PRDM16: variants seen among roughly 807,000 people sequenced by gnomAD.
PRDM16 encodes the protein PR/SET domain 16, also known as histone-lysine N-methyltransferase PRDM16.
A neutral mutation model predicts 110.6 loss-of-function variants in PRDM16; 23 were observed. The ratio of observed to expected loss-of-function variants is 0.21; its 90% confidence interval spans 0.15 to 0.29. The LOEUF is 0.29. Ranked by LOEUF, PRDM16 falls within the 10% of genes least tolerant of loss-of-function variation. The pLI, the probability that PRDM16 is intolerant of heterozygous loss-of-function variation, is 1.00. For synonymous variants in PRDM16, 799 were observed against 781.8 expected, an observed-to-expected ratio of 1.02 and a Z score of -0.37; for missense variants, 1,615 against 1,794.3, an observed-to-expected ratio of 0.90 and a Z score of 1.81.
In PRDM16 at chr1:3,133,330, C is replaced by G. The variant is rs1643372461; in HGVS notation, c.38-52795C>G. The G allele has an allele frequency of 2.0e-5, 3 of 152,450 alleles. No individual in the cohort carries two copies. In the East Asian group the frequency reaches 5.8e-4, roughly 29 times the overall value. 9.4% of individuals were successfully genotyped at this position (152,450 alleles called of 1,614,324 possible). A position where few individuals can be genotyped will look rare whatever the true frequency, so the allele number is the denominator to read the frequency against. On this transcript the variant is annotated intron_variant, in intron 1 of 16. Transcript: ENST00000270722. ...GACTCTCCCAGGGCGAGGGAGGCAC[C>G]TCGGGGCTGTGGGCCTGGGGGAGGT...
intron 1 of PRDM16, among the ~76,000 whole-genome samples, chr1:3,122,679 C>G (rs181647980): frequency 7.2e-5 from 11 of 152,184 alleles, no homozygotes; most frequent in Non-Finnish European, 1.2e-4. Flanking sequence ...CATTCCCCCC[C>G]TCCGTGCTGC....
In PRDM16 at chr1:3,292,268, T is replaced by C. The variant is rs983720097; in HGVS notation, c.438+48131T>C. On this transcript the variant is annotated intron_variant, in intron 3 of 16. Coordinates refer to ENST00000270722, the MANE Select transcript of PRDM16 (RefSeq NM_022114.4). Reference sequence around the variant, plus strand: ...CTGTTACTCAACACTTGTCTTATTATGCTGCAAAGCCAGAGCAGAGCCGAG... The same window carrying C: ...CTGTTACTCAACACTTGTCTTATTACGCTGCAAAGCCAGAGCAGAGCCGAG... Among the ~76,000 whole-genome samples, 6 of 152,342 alleles carry C rather than the reference T, an allele frequency of 3.9e-5. No homozygotes were observed. In the East Asian group the frequency reaches 5.8e-4, roughly 15 times the overall value.
Position 3,148,639 on chromosome 1 carries a change from C to G in PRDM16, c.38-37486C>G, listed in dbSNP as rs907110390. 6.6e-6 allele frequency among the ~76,000 whole-genome samples: 1 copy of G among 152,156 alleles called. No individual in the cohort carries two copies. The highest frequency in any genetic ancestry group is 1.5e-5 in the Non-Finnish European group (1 of 68,030). ...GGGCTCAGATCCCATCTCAGGTGGG[C>G]GGTGACTTGTCCTGGCCGAGCCAGC... On this transcript the variant is annotated intron_variant, in intron 1 of 16. Transcript: ENST00000270722. This position sits in a 1 kb window ranked among gnomAD's most constrained non-coding sequence, Gnocchi z 5.0.
At chr1:3,161,254 A>G (rs1372997619) in intron 1 of PRDM16, among the ~76,000 whole-genome samples, 3 of 152,142 alleles carry the variant, frequency 2.0e-5, no homozygotes, top group Non-Finnish European at 4.4e-5. Context: ...CTCACCAGCA[A>G]ACACACACAC....
chr1:3,319,091 C>T (rs1641680595), intron 3 of PRDM16, among the ~76,000 whole-genome samples: 3 of 152,096 alleles, frequency 2.0e-5, no homozygotes, highest in Admixed American at 6.5e-5. Flanking sequence ...AATTTTTTTT[C>T]AGAACCCAGG....
intron 1 of PRDM16, among the ~76,000 whole-genome samples, chr1:3,104,653 T>G (rs965366348): frequency 8.2e-6 from 1 of 121,624 alleles, no homozygotes; most frequent in Admixed American, 8.5e-5. Flanking sequence ...CCCCCTTCAT[T>G]CAGAGCTGCA....
At chr1:3,314,071 C>CGGGGGGGGTG in intron 3 of PRDM16, among the ~76,000 whole-genome samples, 1 of 100,662 alleles carries the variant, frequency 9.9e-6, no homozygotes, top group African/African-American at 6.1e-5. Flanking sequence ...CCTTCCCCAC[C>CGGGGGGGGTG]GGGGGGGGGG....
chr1:3,249,311 C>T (rs1217874964), intron 3 of PRDM16, among the ~76,000 whole-genome samples: 2 of 152,060 alleles, frequency 1.3e-5, no homozygotes, highest in Non-Finnish European at 2.9e-5. Flanking sequence ...CGCTGCTATG[C>T]ATGCATCGGG....
intron 8 of PRDM16, among the ~76,000 whole-genome samples, chr1:3,410,151 T>G (rs1027532206): frequency 1.8e-4 from 28 of 151,710 alleles, no homozygotes; most frequent in African/African-American, 5.6e-4. Context: ...GGTGTGTGGT[T>G]GTGTGTGCTG....
intron 1 of PRDM16, among the ~76,000 whole-genome samples, chr1:3,163,596 G>A (rs995719585): frequency 3.9e-5 from 6 of 152,152 alleles, no homozygotes; most frequent in Admixed American, 2.6e-4. Flanking sequence ...CTCCTCCCAC[G>A]GTCCTCAGGG....
rs112654251 is a variant in PRDM16 at position 3,076,891 on chromosome 1, G to A, written c.37+7595G>A. On this transcript the variant is annotated intron_variant, in intron 1 of 16. Transcript: ENST00000270722. The stretch of plus-strand genomic sequence containing the variant: ...TATTCTATAAGGAATTTAAACATGG[G>A]GTGATGGTGGGTGTTTTTGGGGGGG... 1.6e-4 allele frequency among the ~76,000 whole-genome samples: 24 copies of A among 152,260 alleles called. 1 individual carries two copies. The highest frequency in any genetic ancestry group is 5.5e-4 in the African/African-American group (23 of 41,568).
At chr1:3,230,248 G>C (rs778132481) in intron 2 of PRDM16, among the ~76,000 whole-genome samples, 3 of 152,186 alleles carry the variant, frequency 2.0e-5, no homozygotes, top group Non-Finnish European at 2.9e-5. Flanking sequence ...GCCAGGCAAG[G>C]GTGCCAACTA....
At position 3,157,698 on chromosome 1, in the gene PRDM16, G is replaced by A. The variant is rs1053970406; in HGVS notation, c.38-28427G>A. On this transcript the variant is annotated intron_variant, in intron 1 of 16. Transcript: ENST00000270722. The surrounding 1 kb of genome is among the most constrained non-coding windows in gnomAD (Gnocchi z 4.8). ...CAGATTCGCACCTGCTGGACTGGGA[G>A]GCGTCTCAGCAAATACCCACAGGAG... 6.6e-6 allele frequency among the ~76,000 whole-genome samples: 1 copy of A among 152,170 alleles called. No homozygotes were observed. The highest frequency in any genetic ancestry group is 2.4e-5 in the African/African-American group (1 of 41,444).
At chr1:3,423,557 G>A (rs1053537634) in intron 12 of PRDM16, among the ~76,000 whole-genome samples, 2 of 152,212 alleles carry the variant, frequency 1.3e-5, no homozygotes, top group African/African-American at 2.4e-5. Flanking sequence ...GTGTCACCAG[G>A]CACGTCCCCA....
At chr1:3,181,242 A>ACG (rs201783841) in intron 1 of PRDM16, among the ~76,000 whole-genome samples, 54 of 123,724 alleles carry the variant, frequency 4.4e-4, no homozygotes, top group East Asian at 1.3e-3. Flanking sequence ...GGTCTTACAC[A>ACG]CAGTCTTACA....
Position 3,072,184 on chromosome 1 carries a change from C to T in PRDM16, c.37+2888C>T, listed in dbSNP as rs569188000. ...CCGGTGGGGTAGGGGCTGCTGCAGC[C>T]CCACATTTACAAACTCAATGCTTAA... On this transcript the variant is annotated intron_variant, in intron 1 of 16. Transcript: ENST00000270722. Among the ~76,000 whole-genome samples, 252 of 152,236 alleles carry T rather than the reference C, an allele frequency of 1.7e-3. 1 individual carries two copies. Among genetic ancestry groups the T allele is most frequent in the Non-Finnish European group, 2.9e-3 (194 of 67,972 alleles).
chr1:3,107,564 G>C (rs1642686518), intron 1 of PRDM16, among the ~76,000 whole-genome samples: 1 of 152,246 alleles, frequency 6.6e-6, no homozygotes, highest in Non-Finnish European at 1.5e-5. Context: ...CAGAGTAGCT[G>C]CTGGTTAACT....
In PRDM16 at chr1:3,265,906, C is replaced by G. The variant is rs546628578; in HGVS notation, c.438+21769C>G. On this transcript the variant is annotated intron_variant, in intron 3 of 16. Coordinates refer to ENST00000270722, the MANE Select transcript of PRDM16 (RefSeq NM_022114.4). This position sits in a 1 kb window ranked among gnomAD's most constrained non-coding sequence, Gnocchi z 4.5. Reference sequence around the variant, plus strand: ...GCTCCCCAGGGCTCCGCACTGCTCCCCAGGGTTCCTTGGTGCGTGTCTCAT... The same window carrying G: ...GCTCCCCAGGGCTCCGCACTGCTCCGCAGGGTTCCTTGGTGCGTGTCTCAT... Among the ~76,000 whole-genome samples, 1 of 152,198 alleles carries G rather than the reference C, an allele frequency of 6.6e-6. No individual in the cohort carries two copies. Among genetic ancestry groups the G allele is most frequent in the South Asian group, 2.1e-4 (1 of 4,822 alleles).
intron 3 of PRDM16, among the ~76,000 whole-genome samples, chr1:3,356,671 A>G (rs529462710): frequency 6.6e-6 from 1 of 152,134 alleles, no homozygotes; most frequent in African/African-American, 2.4e-5. Flanking sequence ...CCCCAGGAGG[A>G]GGCACTGTCT....
Sources: allele counts gnomAD v4.1 joint callset (sites outside exome capture counted in the v4.1 genomes callset), GRCh38; gene constraint gnomAD v4.1.1; non-coding constraint Gnocchi (gnomAD v3.1); transcripts MANE v1.5; gene names NCBI Gene and HGNC (gene_info 2026-07-23, HGNC 2026-07-21).